Variants in NME8 observed in about 807,000 individuals in gnomAD.
The protein encoded by NME8 is NME/NM23 family member 8.
NME8 carries 72 observed loss-of-function variants against 82.3 expected under a neutral mutation model. That is an observed-to-expected ratio of 0.87 (90% confidence interval 0.72 to 1.06). NME8 has a LOEUF of 1.06. Among genes scored for constraint, NME8 ranks in the 50% least tolerant of loss-of-function variants. The pLI is 0.00. For synonymous variants in NME8, 267 were observed against 228.5 expected, an observed-to-expected ratio of 1.17 and a Z score of -1.52; for missense variants, 712 against 685.4, an observed-to-expected ratio of 1.04 and a Z score of -0.43.
chr7:37,850,637 G>A lies in NME8; in HGVS notation c.100G>A (p.Val34Ile), dbSNP rs1784425653. The change falls in exon 5 of 18, where the codon GTT becomes ATT. Residue 34 changes from valine (V) to isoleucine (I), a missense_variant. By Grantham distance (29) the Val-to-Ile change is conservative. Transcript: ENST00000199447. ...ATATCATCATCTTCTAGTGATTGAT[G>A]TTTACCAAGCCTGGTGTGGACCTTG... Reference protein sequence around the residue: ...LQNKGLTVIDVYQAWCGPCRA... With the variant: ...LQNKGLTVIDIYQAWCGPCRA... 1.2e-6 allele frequency: 2 copies of A among 1,607,710 alleles called. No homozygotes were observed. The highest frequency in any genetic ancestry group is 1.7e-6 in the Non-Finnish European group (2 of 1,174,322).
At chr7:37,889,667 A>C (rs1785098867) in intron 15 of NME8, among the ~76,000 whole-genome samples, 1 of 151,378 alleles carries the variant, frequency 6.6e-6, no homozygotes, top group African/African-American at 2.4e-5. Context: ...GATTTTTTAA[A>C]ATTCTGGTAG....
At chr7:37,871,310 G>A (rs1784764768) in intron 11 of NME8, among the ~76,000 whole-genome samples, 1 of 152,176 alleles carries the variant, frequency 6.6e-6, no homozygotes, top group Non-Finnish European at 1.5e-5. Context: ...AAGAGCCAGG[G>A]AAACAGGGCA....
At chr7:37,876,081 C>T (rs942077387) in intron 11 of NME8, among the ~76,000 whole-genome samples, 2 of 141,096 alleles carry the variant, frequency 1.4e-5, no homozygotes, top group East Asian at 2.3e-4. Flanking sequence ...TGGGGGTGTG[C>T]GCCTGTAGTC....
chr7:37,857,745 A>G (rs988530379), intron 6 of NME8, among the ~76,000 whole-genome samples: 1 of 152,318 alleles, frequency 6.6e-6, no homozygotes, highest in Non-Finnish European at 1.5e-5. Flanking sequence ...TGTAATACAC[A>G]TTACTCTTAT....
At chr7:37,894,744 T>C in intron 16 of NME8, 134 bp downstream of exon 16, 1 of 932,138 alleles carries the variant, frequency 1.1e-6, no homozygotes, top group East Asian at 2.7e-5. Context: ...CTAACATTCA[T>C]GGTTCATCTT....
intron 14 of NME8, among the ~76,000 whole-genome samples, chr7:37,886,880 A>G (rs1273663471): frequency 6.6e-6 from 1 of 151,922 alleles, no homozygotes; most frequent in African/African-American, 2.4e-5. Context: ...AAACAAAAAC[A>G]AACAAACAAA....
intron 5 of NME8, among the ~76,000 whole-genome samples, chr7:37,854,937 T>C (rs549758249): frequency 1.7e-4 from 26 of 152,190 alleles, no homozygotes; most frequent in Non-Finnish European, 3.4e-4. Context: ...TTGTGCTTGA[T>C]AGCTTTTGCA....
chr7:37,868,963 GT>G, intron 11 of NME8, among the ~76,000 whole-genome samples: 1 of 152,314 alleles, frequency 6.6e-6, no homozygotes, highest in Non-Finnish European at 1.5e-5. Flanking sequence ...TAACAAAGCA[GT>G]TGTCAGGCTG....
chr7:37,891,311 C>A (rs761622054), intron 15 of NME8, among the ~76,000 whole-genome samples: 100 of 151,524 alleles, frequency 6.6e-4, no homozygotes, highest in Non-Finnish European at 1.1e-3. Context: ...GCTTTTGTTG[C>A]CTGTGCTTTT....
At chr7:37,876,229 T>TATATAGATAG (rs1044568242) in intron 11 of NME8, among the ~76,000 whole-genome samples, 86 of 146,194 alleles carry the variant, frequency 5.9e-4, no homozygotes, top group African/African-American at 2.2e-3. Flanking sequence ...TATATATATA[T>TATATAGATAG]ATAGATAGAT....
rs778433179 is a variant in NME8, at chr7:37,888,325, T to C, written c.1296T>C (p.Tyr432=). 5 of 1,613,678 alleles carry C rather than the reference T, an allele frequency of 3.1e-6. No individual in the cohort carries two copies. The highest frequency in any genetic ancestry group is 4.2e-6 in the Non-Finnish European group (5 of 1,179,686). The change falls in exon 15 of 18, where the codon TAT becomes TAC. Residue 432 remains tyrosine (Y), a synonymous_variant. Coordinates refer to ENST00000199447, the MANE Select transcript of NME8 (RefSeq NM_016616.5). ...AMDSLPVNQL[Y]GSDSLETAER... ...ACAGTTTGCCGGTCAACCAGTTGTATGGCAGCGATTCATTAGAAACCGCTG... is the reference window on the plus strand; with the variant it reads ...ACAGTTTGCCGGTCAACCAGTTGTACGGCAGCGATTCATTAGAAACCGCTG...
chr7:37,888,252 T>G (rs979972783), intron 14 of NME8, 25 bp from the exon 15 acceptor site: 3 of 1,612,206 alleles, frequency 1.9e-6, no homozygotes, highest in African/African-American at 2.7e-5. Context: ...TCTAATAGCT[T>G]TTAAACCTGA....
At chr7:37,853,995 C>A (rs6971034) in intron 5 of NME8, among the ~76,000 whole-genome samples, 40,613 of 150,020 alleles carry the variant, frequency 0.27, 5,688 homozygotes, top group African/African-American at 0.35. Flanking sequence ...ATTATAATAC[C>A]TGAATTACTT....
chr7:37,894,830 T>C (rs1235586063), intron 16 of NME8, among the ~76,000 whole-genome samples: 1 of 152,038 alleles, frequency 6.6e-6, no homozygotes, highest in Non-Finnish European at 1.5e-5. Context: ...CTTTCTTTCA[T>C]TCTTTCTTCC....
chr7:37,850,690 A>C lies in NME8; in HGVS notation c.153A>C (p.Lys51Asn). 6 of 1,613,924 alleles carry C rather than the reference A, an allele frequency of 3.7e-6. No individual in the cohort carries two copies. Among genetic ancestry groups the C allele is most frequent in the Non-Finnish European group, 5.1e-6 (6 of 1,179,812 alleles). ...GAGCAATGCAACCTTTATTCAGAAA[A>C]TTGAAAAATGAACTGAACGAAGACG... ...PCRAMQPLFRKLKNELNEDEI... is the reference protein window; with the variant it reads ...PCRAMQPLFRNLKNELNEDEI... The change falls in exon 5 of 18, where the codon AAA becomes AAC. Residue 51 changes from lysine to asparagine, a missense_variant. By Grantham distance (94) the Lys-to-Asn change is moderately conservative. Transcript: ENST00000199447.
At chr7:37,851,517 T>C (rs1260072636) in intron 5 of NME8, among the ~76,000 whole-genome samples, 1 of 151,384 alleles carries the variant, frequency 6.6e-6, no homozygotes, top group Admixed American at 6.6e-5. Flanking sequence ...CATACTCAAG[T>C]GTAAGAGACA....
chr7:37,899,713 A>G (rs990478617), intron 17 of NME8, among the ~76,000 whole-genome samples: 1 of 152,152 alleles, frequency 6.6e-6, no homozygotes, highest in African/African-American at 2.4e-5. Context: ...GGCCTTTAAT[A>G]AAGTTCTTAA....
chr7:37,891,222 T>C (rs993660421), intron 15 of NME8, among the ~76,000 whole-genome samples: 2 of 152,004 alleles, frequency 1.3e-5, no homozygotes, highest in African/African-American at 4.8e-5. Flanking sequence ...TCTTGAATTC[T>C]GTAGGTTGTC....
In NME8 at chr7:37,882,593, AAGAAAGAGAGAGAGAGAGAGAGAAAG is replaced by A. The variant is rs1199570101; in HGVS notation, c.995-1708_995-1683del. 1.2e-4 allele frequency among the ~76,000 whole-genome samples: 6 copies of A among 51,822 alleles called. 1 individual carries two copies. Among genetic ancestry groups the A allele is most frequent in the Admixed American group, 3.3e-4 (2 of 5,984 alleles). The allele number at this position is 51,822 out of a possible 152,430, so 34.0% of individuals were successfully genotyped here. ...AAAGAAAGAAAGAAAGAAAGAAAGAAAGAAAGAGAGAGAGAGAGAGAGAAAGAAAGAAAGAAAGAAAGAAAGAAAGA... is the reference window on the plus strand; with the variant it reads ...AAAGAAAGAAAGAAAGAAAGAAAGAAAAAGAAAGAAAGAAAGAAAGAAAGA... On this transcript the variant is annotated intron_variant, in intron 12 of 17. Transcript: ENST00000199447.
Sources: gnomAD v4.1 joint callset for allele counts (sites outside exome capture counted in the v4.1 genomes callset) on GRCh38, gnomAD v4.1.1 for gene constraint, MANE v1.5 for transcripts, NCBI Gene and HGNC (gene_info 2026-07-23, HGNC 2026-07-21) for gene names.